Variants in CELF2 observed in about 807,000 individuals in gnomAD.
CELF2 encodes CUG triplet repeat RNA-binding protein 2.
Under a neutral mutation model 62.6 loss-of-function variants are expected in CELF2, and 8 were observed. The ratio of observed to expected loss-of-function variants is 0.13; its 90% confidence interval spans 0.07 to 0.23. The LOEUF (loss-of-function observed/expected upper bound fraction) is 0.23, where lower values mean the gene tolerates loss of function less well. Among genes scored for constraint, CELF2 ranks in the 10% least tolerant of loss-of-function variants. The pLI, the probability that CELF2 is intolerant of heterozygous loss-of-function variation, is 1.00. For synonymous variants in CELF2, 258 were observed against 250.0 expected (o/e 1.03, Z -0.30); for missense variants, 333 against 671.0 (o/e 0.50, Z 5.56).
At chr10:10,900,940 C>T (rs1189039645) in intron 1 of CELF2, among the ~76,000 whole-genome samples, 2 of 152,244 alleles carry the variant, frequency 1.3e-5, no homozygotes, top group Non-Finnish European at 2.9e-5. Flanking sequence ...ACCTGTTACT[C>T]CTTCAAAAGT....
chr10:11,062,073 A>G (rs933662044), intron 1 of CELF2, among the ~76,000 whole-genome samples: 3 of 152,220 alleles, frequency 2.0e-5, no homozygotes, highest in Non-Finnish European at 4.4e-5. Flanking sequence ...CGGCCTCCCA[A>G]AGTGCTGGGA....
intron 1 of CELF2, among the ~76,000 whole-genome samples, chr10:11,162,462 G>C (rs2065939731): frequency 6.6e-6 from 1 of 152,192 alleles, no homozygotes; most frequent in African/African-American, 2.4e-5. Context: ...ACTTCCAAAA[G>C]GGCAGGTAGT....
chr10:10,571,316 A>T, the CELF2 span, among the ~76,000 whole-genome samples: 1 of 152,206 alleles, frequency 6.6e-6, no homozygotes, highest in Admixed American at 6.5e-5. Context: ...AAGCAGACAC[A>T]TTTGGCTGGT....
At chr10:11,134,512 G>C (rs935575188) in intron 1 of CELF2, among the ~76,000 whole-genome samples, 1 of 152,156 alleles carries the variant, frequency 6.6e-6, no homozygotes, top group African/African-American at 2.4e-5. Flanking sequence ...TAGGCATCTT[G>C]TGCTTGTCCT....
intron 2 of CELF2, among the ~76,000 whole-genome samples, chr10:10,932,763 A>G (rs1222724967): frequency 2.0e-5 from 3 of 152,118 alleles, no homozygotes; most frequent in African/African-American, 4.8e-5. Context: ...TGCAGAGAAG[A>G]GAGAACATTT....
At chr10:10,648,605 C>T in the CELF2 span, among the ~76,000 whole-genome samples, 1 of 152,154 alleles carries the variant, frequency 6.6e-6, no homozygotes, top group Admixed American at 6.5e-5. Context: ...CCTTTCCTCT[C>T]GGCTCTATGT....
At chr10:10,625,779 C>T in the CELF2 span, among the ~76,000 whole-genome samples, 14 of 152,198 alleles carry the variant, frequency 9.2e-5, no homozygotes, top group Admixed American at 8.5e-4. Context: ...ACAAGGGCCC[C>T]GTCCCGTGAT....
At chr10:10,634,757 G>A in the CELF2 span, among the ~76,000 whole-genome samples, 2 of 151,584 alleles carry the variant, frequency 1.3e-5, no homozygotes, top group Non-Finnish European at 2.9e-5. Context: ...CACCTCCCGG[G>A]TTCAAGCGAT....
chr10:11,109,611 A>C (rs1056308443), intron 1 of CELF2, among the ~76,000 whole-genome samples: 1 of 152,046 alleles, frequency 6.6e-6, no homozygotes, highest in Non-Finnish European at 1.5e-5. Context: ...ACAGCTAGGC[A>C]CTCTCTGAAT....
the CELF2 span, among the ~76,000 whole-genome samples, chr10:10,686,947 T>A: frequency 0.23 from 34,600 of 152,062 alleles, 4,137 homozygotes; most frequent in South Asian, 0.43. Flanking sequence ...ACCTTCTTGA[T>A]GAAATCTTAC....
intron 1 of CELF2, among the ~76,000 whole-genome samples, chr10:11,064,443 G>T (rs899956953): frequency 6.6e-6 from 1 of 152,014 alleles, no homozygotes; most frequent in Admixed American, 6.6e-5. Flanking sequence ...CTTTTTTCTG[G>T]AACAGTAACC....
chr10:11,077,506 G>A (rs981007254), intron 1 of CELF2, among the ~76,000 whole-genome samples: 4 of 152,156 alleles, frequency 2.6e-5, no homozygotes, highest in Admixed American at 6.6e-5. Flanking sequence ...GTTGGCGTTC[G>A]AAACTTCTGT....
chr10:10,846,487 G>A (rs1377943340), intron 1 of CELF2, among the ~76,000 whole-genome samples: 3 of 152,164 alleles, frequency 2.0e-5, no homozygotes, highest in African/African-American at 7.2e-5. Context: ...TCCCAGAAGA[G>A]TCTATGTATG....
the CELF2 span, among the ~76,000 whole-genome samples, chr10:10,733,612 T>TGG: frequency 1.8e-4 from 27 of 151,986 alleles, no homozygotes; most frequent in East Asian, 3.9e-3. Context: ...CAGCATGGCT[T>TGG]GGGGGGGCCT....
Position 10,825,470 on chromosome 10 carries a change from A to C in CELF2, c.53+26653A>C, listed in dbSNP as rs189410642. ...TGTGATCTGTCCACCTCGGCCTCCC[A>C]AAGTGCTGGGATTACAGGCATGAGC... On this transcript the variant is annotated intron_variant, in intron 1 of 13. Coordinates refer to the CELF2 transcript ENST00000636488. 6.3e-3 allele frequency among the ~76,000 whole-genome samples: 956 copies of C among 152,290 alleles called. 11 individuals are homozygous for C. Among genetic ancestry groups the C allele is most frequent in the African/African-American group, 0.022 (919 of 41,564 alleles).
At position 11,011,313 on chromosome 10, in the gene CELF2, G is replaced by A. The variant is rs543423385; in HGVS notation, c.53+5873G>A. Among the ~76,000 whole-genome samples, 3 of 152,070 alleles carry A rather than the reference G, an allele frequency of 2.0e-5. No homozygotes were observed. In the South Asian group the frequency reaches 6.3e-4, roughly 32 times the overall value. Reference sequence around the variant, plus strand: ...GCCTCAAGCAACTCACAGCACTCATGGAACAAAGAGTAGACAGTGAATGAG... The same window carrying A: ...GCCTCAAGCAACTCACAGCACTCATAGAACAAAGAGTAGACAGTGAATGAG... On this transcript the variant is annotated intron_variant, in intron 1 of 12. Coordinates refer to the CELF2 transcript ENST00000416382. This position sits in a 1 kb window ranked among gnomAD's most constrained non-coding sequence, Gnocchi z 4.6.
intron 1 of CELF2, among the ~76,000 whole-genome samples, chr10:11,036,829 G>A (rs2061030726): frequency 6.6e-6 from 1 of 152,198 alleles, no homozygotes; most frequent in Non-Finnish European, 1.5e-5. Flanking sequence ...ATGAAAGTAT[G>A]TGTTCCATGT....
intron 1 of CELF2, among the ~76,000 whole-genome samples, chr10:10,842,506 G>A (rs1591065157): frequency 6.6e-6 from 1 of 151,934 alleles, no homozygotes; most frequent in Admixed American, 6.6e-5. Context: ...ATGAATGAAT[G>A]TTAGAATTTT....
At chr10:10,839,014 CA>C (rs964849681) in intron 1 of CELF2, among the ~76,000 whole-genome samples, 1 of 152,100 alleles carries the variant, frequency 6.6e-6, no homozygotes, top group Non-Finnish European at 1.5e-5. Flanking sequence ...GACGTGGTGG[CA>C]CACACCTGTA....
Sources: allele counts gnomAD v4.1 joint callset (sites outside exome capture counted in the v4.1 genomes callset), GRCh38; gene constraint gnomAD v4.1.1; non-coding constraint Gnocchi (gnomAD v3.1); transcripts MANE v1.5; gene names NCBI Gene and HGNC (gene_info 2026-07-23, HGNC 2026-07-21).